The following SERPINF1 variants were observed in gnomAD, a reference collection of about 807,000 sequenced individuals.
The protein encoded by SERPINF1 is pigment epithelium-derived factor.
Under a neutral mutation model 37.3 loss-of-function variants are expected in SERPINF1, and 29 were observed. The ratio of observed to expected loss-of-function variants is 0.78; its 90% CI spans 0.58 to 1.06. The LOEUF (loss-of-function observed/expected upper bound fraction) is 1.06. SERPINF1 is among the 50% of genes least tolerant of loss of function. The pLI is 0.00. For missense variants in SERPINF1, 553 were observed against 532.2 expected (o/e 1.04, Z -0.38); for synonymous variants, 281 against 227.9 (o/e 1.23, Z -2.10).
At chr17:1,768,294 G>A (rs921160066) in intron 2 of SERPINF1, among the ~76,000 whole-genome samples, 7 of 151,796 alleles carry the variant, frequency 4.6e-5, no homozygotes, top group African/African-American at 1.7e-4. Flanking sequence ...AGCTGGGTGT[G>A]GTGGGGGGCG....
Position 1,771,066 on chromosome 17 carries a change from T to C in SERPINF1, c.321T>C (p.Ala107=). The C allele has an allele frequency of 1.2e-6, 2 of 1,614,034 alleles. No individual in the cohort carries two copies. The highest frequency in any genetic ancestry group is 1.7e-6 in the Non-Finnish European group (2 of 1,179,994). The change falls in exon 4 of 8, where the codon GCT becomes GCC. Residue 107 remains alanine, a synonymous_variant. Transcript: ENST00000254722. ...EQRTESIIHR[A]LYYDLISSPD... is the part of the protein sequence containing the mutation. ...GAACAGAATCCATCATTCACCGGGC[T>C]CTCTACTATGACTTGATCAGCAGCC...
Position 1,770,040 on chromosome 17 carries a change from C to T in SERPINF1, c.273C>T (p.Ala91=), listed in dbSNP as rs1291829278. The change falls in exon 3 of 8, where the codon GCC becomes GCT. Residue 91 remains alanine, a synonymous_variant. Coordinates refer to ENST00000254722, the MANE Select transcript of SERPINF1 (RefSeq NM_002615.7). Reference sequence around the variant, plus strand: ...TCAGTGTGGCCACGGCCCTCTCGGCCCTCTCGCTGGGTGAGTGCTCAGATG... The same window carrying T: ...TCAGTGTGGCCACGGCCCTCTCGGCTCTCTCGCTGGGTGAGTGCTCAGATG... ...SPLSVATALS[A]LSLGAEQRTE... The T allele has an allele frequency of 3.1e-6, 5 of 1,614,186 alleles. No individual in the cohort carries two copies. The South Asian group carries it at 3.3e-5, about 11-fold the overall frequency.
Position 1,777,405 on chromosome 17 carries a change from CT to C in SERPINF1, c.1218del (p.Leu407SerfsTer17), listed in dbSNP as rs1157826167. On this transcript the variant is annotated frameshift_variant, in exon 8 of 8. Coordinates refer to ENST00000254722, the MANE Select transcript of SERPINF1 (RefSeq NM_002615.7). LOFTEE classifies it high-confidence loss of function. ...ACTGAGGGACACAGACACAGGGGCC[CT>C]TCTCTTCATTGGCAAGATTCTGGAC... is the stretch of plus-strand genomic sequence containing the variant. ...FVLRDTDTGALLFIGKILDPR... is the reference protein window; with the variant it reads ...FVLRDTDTGAXLFIGKILDPR... The C allele has an allele frequency of 1.2e-6, 2 of 1,614,140 alleles. No homozygotes were observed. Among genetic ancestry groups the C allele is most frequent in the African/African-American group, 2.7e-5 (2 of 75,036 alleles).
chr17:1,766,966 G>A lies in SERPINF1; in HGVS notation c.56G>A (p.Cys19Tyr). Residue 19 changes from cysteine to tyrosine, a missense_variant, in exon 2 of 8, where the codon TGC becomes TAC. Physicochemically the swap from Cys to Tyr is radical, Grantham distance 194. Coordinates refer to ENST00000254722, the MANE Select transcript of SERPINF1 (RefSeq NM_002615.7). ...GGAGCCCTCCTCGGGCACAGCAGCT[G>A]CCAGAACCCTGCCAGCCCCCCGGAG... is the stretch of plus-strand genomic sequence containing the variant. ...CIGALLGHSS[C>Y]QNPASPPEEG... The A allele has an allele frequency of 6.4e-7, 1 of 1,561,330 alleles. No homozygotes were observed. Among genetic ancestry groups the A allele is most frequent in the Non-Finnish European group, 8.7e-7 (1 of 1,152,450 alleles).
At chr17:1,770,905 A>T (rs754303608) in intron 3 of SERPINF1, 124 bp from the exon 4 acceptor site, 1 of 1,223,566 alleles carries the variant, frequency 8.2e-7, no homozygotes, top group Non-Finnish European at 1.2e-6. Context: ...GATTGTCTTG[A>T]AGATCAGCCT....
chr17:1,771,210 G>A (rs753530522), intron 4 of SERPINF1, 26 bp downstream of exon 4: 5 of 1,610,530 alleles, frequency 3.1e-6, no homozygotes, highest in Non-Finnish European at 3.4e-6. Context: ...AGCCCAAGTT[G>A]CCTGAGGCAT....
intron 2 of SERPINF1, among the ~76,000 whole-genome samples, chr17:1,767,869 CCAAA>C (rs981725797): frequency 3.3e-5 from 5 of 152,196 alleles, no homozygotes; most frequent in African/African-American, 1.2e-4. Context: ...TTCTCATCTA[CCAAA>C]CACCTACTCG....
chr17:1,770,995 C>T, intron 3 of SERPINF1, 34 bp from the exon 4 acceptor site: 3 of 1,613,362 alleles, frequency 1.9e-6, no homozygotes, highest in Non-Finnish European at 2.5e-6. Flanking sequence ...CCCTGGTGTG[C>T]AGTTATCAAC....
chr17:1,777,066 T>G, intron 7 of SERPINF1, 121 bp from the exon 8 acceptor site: 1 of 1,508,644 alleles, frequency 6.6e-7, no homozygotes. Context: ...AGCTCAGACC[T>G]CTTCAGGCCT....
chr17:1,769,700 C>A, intron 2 of SERPINF1, 152 bp from the exon 3 acceptor site: 1 of 801,196 alleles, frequency 1.2e-6, no homozygotes, highest in Non-Finnish European at 2.2e-6. Context: ...GGGAGTAAAA[C>A]TCATTCCCGT....
intron 5 of SERPINF1, among the ~76,000 whole-genome samples, chr17:1,774,759 G>A (rs1162395213): frequency 6.6e-6 from 1 of 152,192 alleles, no homozygotes; most frequent in African/African-American, 2.4e-5. Flanking sequence ...ACCATGCCCG[G>A]CTACCACTTT....
chr17:1,763,442 A>G (rs747634281), intron 1 of SERPINF1, among the ~76,000 whole-genome samples: 11 of 152,214 alleles, frequency 7.2e-5, no homozygotes, highest in Non-Finnish European at 1.2e-4. Flanking sequence ...CCCGCCTGCT[A>G]GGACGAGAGC....
At chr17:1,768,855 G>A (rs1027983345) in intron 2 of SERPINF1, among the ~76,000 whole-genome samples, 2 of 151,770 alleles carry the variant, frequency 1.3e-5, no homozygotes, top group Non-Finnish European at 2.9e-5. Flanking sequence ...ACCCAGGCTG[G>A]AGTACAGTGG....
intron 1 of SERPINF1, among the ~76,000 whole-genome samples, chr17:1,763,335 A>G (rs1026787896): frequency 6.6e-6 from 1 of 152,226 alleles, no homozygotes. Context: ...AGGCAAGATC[A>G]CAAAAGCTTC....
intron 4 of SERPINF1, 70 bp from the exon 5 acceptor site, chr17:1,771,802 G>C (rs752611060): frequency 9.5e-5 from 142 of 1,494,754 alleles, no homozygotes; most frequent in Non-Finnish European, 1.3e-4. Context: ...ACCCGAGCCT[G>C]GCAGGCTCTC....
intron 7 of SERPINF1, 127 bp downstream of exon 7, chr17:1,776,869 A>C: frequency 1.1e-6 from 1 of 877,354 alleles, no homozygotes; most frequent in Non-Finnish European, 1.8e-6. Context: ...ATGAGTCCTT[A>C]ATCCTCATCG....
Position 1,769,937 on chromosome 17 carries a change from CT to C in SERPINF1, c.171del (p.Val58SerfsTer55), listed in dbSNP as rs1360292712. 1 of 1,614,108 alleles carries C rather than the reference CT, an allele frequency of 6.2e-7. No homozygotes were observed. The highest frequency in any genetic ancestry group is 1.7e-5 in the Admixed American group (1 of 60,010). On this transcript the variant is annotated frameshift_variant, in exon 3 of 8. Transcript: ENST00000254722. LOFTEE classifies it high-confidence loss of function. The stretch of plus-strand genomic sequence containing the variant: ...GTCCCCGTGAACAAGCTGGCAGCGG[CT>C]GTCTCCAACTTCGGCTATGACCTGT... ...FKVPVNKLAA[A>X]VSNFGYDLYR...
intron 4 of SERPINF1, 64 bp downstream of exon 4, chr17:1,771,248 G>A: frequency 4.2e-6 from 6 of 1,437,476 alleles, no homozygotes; most frequent in Non-Finnish European, 5.6e-6. Flanking sequence ...GGCTGGGGGG[G>A]TCTTTTTTTT....
chr17:1,773,786 G>A (rs753775776), intron 5 of SERPINF1, among the ~76,000 whole-genome samples: 20 of 152,270 alleles, frequency 1.3e-4, no homozygotes, highest in Non-Finnish European at 7.4e-5. Flanking sequence ...CTTGTTCCAC[G>A]GGTCTTGTGT....
Sources: gnomAD v4.1 joint callset for allele counts (sites outside exome capture counted in the v4.1 genomes callset) on GRCh38, gnomAD v4.1.1 for gene constraint, MANE v1.5 for transcripts, NCBI Gene and HGNC (gene_info 2026-07-23, HGNC 2026-07-21) for gene names.